CXADR: variants seen among roughly 807,000 people sequenced by gnomAD.
The protein encoded by CXADR is coxsackievirus and adenovirus receptor.
A neutral mutation model predicts 40.3 loss-of-function variants in CXADR; 20 were observed. The observed-to-expected ratio is 0.50, with a 90% CI of 0.35 to 0.72. The LOEUF is 0.72. Ranked by LOEUF, CXADR falls within the 30% of genes least tolerant of loss-of-function variation. The pLI is 0.01. For missense variants in CXADR, 332 were observed against 449.1 expected (o/e 0.74, Z 2.36); for synonymous variants, 150 against 161.3 (o/e 0.93, Z 0.53).
At chr21:17,539,175 A>G (rs148051616) in intron 1 of CXADR, among the ~76,000 whole-genome samples, 12 of 152,278 alleles carry the variant, frequency 7.9e-5, no homozygotes, top group South Asian at 2.1e-4. Flanking sequence ...AGTTCAAAGG[A>G]GAAATTTAGG....
downstream of CXADR, among the ~76,000 whole-genome samples, chr21:17,572,388 C>T (rs376356279): frequency 2.8e-4 from 43 of 151,172 alleles, no homozygotes; most frequent in East Asian, 5.3e-3. Context: ...AAAAAAGGGG[C>T]AGTATCATGA....
chr21:17,593,960 T>G, downstream of CXADR: 1 of 1,080,246 alleles, frequency 9.3e-7, no homozygotes, highest in Non-Finnish European at 1.3e-6. Flanking sequence ...TCTCAATAAC[T>G]TCTATAAAAA....
chr21:17,573,886 A>G (rs1601046023), downstream of CXADR, among the ~76,000 whole-genome samples: 1 of 152,238 alleles, frequency 6.6e-6, no homozygotes, highest in Middle Eastern at 3.4e-3. Context: ...CAGCCTGGGC[A>G]ACAGAGCAGA....
chr21:17,546,737 T>G (rs79280833), intron 1 of CXADR, among the ~76,000 whole-genome samples: 3,828 of 152,300 alleles, frequency 0.025, 172 homozygotes, highest in African/African-American at 0.088. Flanking sequence ...TTTAAACATC[T>G]GCTTGCATAT....
the CXADR span, among the ~76,000 whole-genome samples, chr21:17,603,097 C>T: frequency 1.6e-4 from 25 of 152,186 alleles, no homozygotes; most frequent in African/African-American, 6.0e-4. Context: ...AGAAACCACA[C>T]AACTAACTTA....
chr21:17,594,437 A>C, downstream of CXADR: 12 of 1,289,088 alleles, frequency 9.3e-6, no homozygotes, highest in African/African-American at 1.5e-5. Flanking sequence ...CACTGAGATC[A>C]CATCTAAGTG....
intron 2 of CXADR, 22 bp from the exon 3 acceptor site, chr21:17,551,723 CCTGT>C (rs1470225978): frequency 7.6e-6 from 12 of 1,576,228 alleles, no homozygotes; most frequent in Admixed American, 5.4e-5. Context: ...TGTTTTTCCT[CCTGT>C]CTAATTTTGG....
chr21:17,565,832 T>C lies in CXADR; in HGVS notation c.*140T>C. The C allele has an allele frequency of 1.5e-6, 2 of 1,322,854 alleles. No individual in the cohort carries two copies. Among genetic ancestry groups the C allele is most frequent in the Non-Finnish European group, 1.9e-6 (2 of 1,033,414 alleles). 81.9% of individuals were successfully genotyped at this position (1,322,854 alleles called of 1,614,324 possible). On this transcript the variant is annotated 3_prime_UTR_variant, in exon 7 of 7. Transcript: ENST00000284878. Reference sequence around the variant, plus strand: ...AATCAGGAACTGTACGGAATATATTTTTAAAAATTTTTGTTTGGTTATATC... The same window carrying C: ...AATCAGGAACTGTACGGAATATATTCTTAAAAATTTTTGTTTGGTTATATC...
chr21:17,553,614 C>CTTTTTTT (rs10710377), intron 3 of CXADR, among the ~76,000 whole-genome samples: 5 of 128,274 alleles, frequency 3.9e-5, no homozygotes, highest in Non-Finnish European at 5.1e-5. Flanking sequence ...GGTCCGAATT[C>CTTTTTTT]TTTTTTTTTT....
At chr21:17,595,940 C>T (rs1023540235), downstream of CXADR, among the ~76,000 whole-genome samples, 4 of 151,990 alleles carry the variant, frequency 2.6e-5, no homozygotes, top group African/African-American at 9.7e-5. Flanking sequence ...GCTAACATTT[C>T]ATGCTGTCAG....
At chr21:17,562,142 A>T (rs2776074) in intron 6 of CXADR, among the ~76,000 whole-genome samples, 72,524 of 121,324 alleles carry the variant, frequency 0.6, 20,833 homozygotes, top group Non-Finnish European at 0.67. Context: ...AACAGTGTAG[A>T]TACCCCAATT....
At chr21:17,574,160 C>A (rs776819288), downstream of CXADR, among the ~76,000 whole-genome samples, 8 of 152,200 alleles carry the variant, frequency 5.3e-5, no homozygotes, top group Non-Finnish European at 1.2e-4. Context: ...AACCCTCTCA[C>A]CCGTATTTCC....
chr21:17,567,177 T>C lies in CXADR; in HGVS notation c.*1485T>C, dbSNP rs1402381246. On this transcript the variant is annotated 3_prime_UTR_variant, in exon 7 of 7. Transcript: ENST00000284878. Reference sequence around the variant, plus strand: ...AGCTCTAAAACCTTTCCCTAGATTTTAGTAGGGAGTTGGTTTCTGTTAATA... The same window carrying C: ...AGCTCTAAAACCTTTCCCTAGATTTCAGTAGGGAGTTGGTTTCTGTTAATA... 1 of 984,796 alleles carries C rather than the reference T, an allele frequency of 1.0e-6. No individual in the cohort carries two copies. Among genetic ancestry groups the C allele is most frequent in the African/African-American group, 1.7e-5 (1 of 57,226 alleles). The allele number at this position is 984,796 out of a possible 1,614,324, so 61.0% of individuals were successfully genotyped here.
At chr21:17,601,375 G>A in the CXADR span, among the ~76,000 whole-genome samples, 1 of 152,072 alleles carries the variant, frequency 6.6e-6, no homozygotes, top group Non-Finnish European at 1.5e-5. Flanking sequence ...TACCTAAACA[G>A]AAGCTGGACA....
chr21:17,561,831 A>G (rs1019567333), intron 6 of CXADR, among the ~76,000 whole-genome samples: 22 of 152,196 alleles, frequency 1.4e-4, no homozygotes, highest in Non-Finnish European at 2.1e-4. Context: ...AGTAATCTGG[A>G]AGTTTGTAGA....
intron 1 of CXADR, among the ~76,000 whole-genome samples, chr21:17,523,220 A>G (rs564607342): frequency 6.6e-6 from 1 of 152,278 alleles, no homozygotes; most frequent in African/African-American, 2.4e-5. Context: ...CAGAATGTAC[A>G]TTTCATAGGT....
the CXADR span, among the ~76,000 whole-genome samples, chr21:17,625,091 C>T: frequency 6.6e-6 from 1 of 152,096 alleles, no homozygotes; most frequent in African/African-American, 2.4e-5. Flanking sequence ...CCTACCTAGA[C>T]CTGTTTCTTG....
In CXADR at chr21:17,587,397, C is replaced by T. The variant is rs534481597; in HGVS notation, c.1018-5755C>T. The stretch of plus-strand genomic sequence containing the variant: ...CTATTTCTCCACATCCTCTCCAGCA[C>T]CTGTTGTTTCCTGACTTTTTAAATG... On this transcript the variant is annotated intron_variant, in intron 7 of 7. Transcript: ENST00000400169. Among the ~76,000 whole-genome samples, 777 of 152,240 alleles carry T rather than the reference C, an allele frequency of 5.1e-3. 8 individuals carry two copies. The highest frequency in any genetic ancestry group is 0.018 in the African/African-American group (745 of 41,542).
downstream of CXADR, among the ~76,000 whole-genome samples, chr21:17,597,771 G>C (rs921076550): frequency 6.6e-6 from 1 of 151,932 alleles, no homozygotes; most frequent in African/African-American, 2.4e-5. Context: ...CTGAAATAAT[G>C]TTCATTATGT....
Sources: allele counts gnomAD v4.1 joint callset (sites outside exome capture counted in the v4.1 genomes callset), GRCh38; gene constraint gnomAD v4.1.1; transcripts MANE v1.5; gene names NCBI Gene and HGNC (gene_info 2026-07-23, HGNC 2026-07-21).